Variants in GATA4 observed in about 807,000 individuals in gnomAD.
GATA4 encodes the protein transcription factor GATA-4.
A neutral mutation model predicts 37.9 loss-of-function variants in GATA4; 7 were observed. The observed-to-expected ratio is 0.18, with a 90% confidence interval of 0.11 to 0.35. The LOEUF is 0.35. Among genes scored for constraint, GATA4 ranks in the 10% least tolerant of loss-of-function variants. The pLI is 1.00. For synonymous variants in GATA4, 372 were observed against 292.6 expected, an observed-to-expected ratio of 1.27 and a Z score of -2.77; for missense variants, 647 against 653.0, an observed-to-expected ratio of 0.99 and a Z score of 0.10.
intron 2 of GATA4, among the ~76,000 whole-genome samples, chr8:11,714,351 G>T (rs897915614): frequency 2.0e-5 from 3 of 152,194 alleles, no homozygotes; most frequent in Non-Finnish European, 4.4e-5. Context: ...CATTCAAGGT[G>T]TTCTCAGAGT....
At chr8:11,706,822 G>A (rs1799907939) in intron 1 of GATA4, among the ~76,000 whole-genome samples, 1 of 152,126 alleles carries the variant, frequency 6.6e-6, no homozygotes, top group Non-Finnish European at 1.5e-5. Context: ...CAGTGCTCCA[G>A]TTCCCTCTTG....
intron 2 of GATA4, among the ~76,000 whole-genome samples, chr8:11,738,824 G>A (rs1199876932): frequency 6.6e-6 from 1 of 152,218 alleles, no homozygotes; most frequent in Non-Finnish European, 1.5e-5. Context: ...TATGACTGAG[G>A]CAAGCTGGGA....
chr8:11,731,160 T>C (rs1801188727), intron 2 of GATA4, among the ~76,000 whole-genome samples: 1 of 152,254 alleles, frequency 6.6e-6, no homozygotes, highest in Non-Finnish European at 1.5e-5. Context: ...GACTGAGTCT[T>C]ATGAAGACCC....
At chr8:11,748,362 A>G (rs1397397312) in intron 2 of GATA4, among the ~76,000 whole-genome samples, 1 of 152,210 alleles carries the variant, frequency 6.6e-6, no homozygotes, top group African/African-American at 2.4e-5. Flanking sequence ...ACTGTACTCC[A>G]GCCTGGGTGA....
chr8:11,703,312 C>A (rs1230095080), upstream of GATA4, among the ~76,000 whole-genome samples: 1 of 152,196 alleles, frequency 6.6e-6, no homozygotes, highest in African/African-American at 2.4e-5. Flanking sequence ...ACCTTTAGAC[C>A]TGTCTGAGGG....
chr8:11,750,184 C>T lies in GATA4; in HGVS notation c.860C>T (p.Ala287Val), dbSNP rs116430078. The T allele has an allele frequency of 5.2e-5, 84 of 1,613,622 alleles. No individual in the cohort carries two copies. The highest frequency in any genetic ancestry group is 8.3e-5 in the Admixed American group (5 of 60,028). Reference protein sequence around the residue: ...TTTTTLWRRNAEGEPVCNACG... With the variant: ...TTTTTLWRRNVEGEPVCNACG... ...ACCACCACGCTGTGGCGCCGCAATG[C>T]GGAGGGCGAGCCTGTGTGCAATGCC... Residue 287 changes from alanine (A) to valine (V), a missense_variant, in exon 4 of 7, where the codon GCG becomes GTG. Physicochemically the swap from Ala to Val is moderately conservative, Grantham distance 64. This residue lies in a region of GATA4 where 21 missense variants were observed against 62.6 expected (regional missense o/e 0.34). Transcript: ENST00000532059.
chr8:11,717,060 C>T (rs532860835), intron 2 of GATA4, among the ~76,000 whole-genome samples: 2 of 152,190 alleles, frequency 1.3e-5, no homozygotes, highest in Non-Finnish European at 2.9e-5. Context: ...TGTTAAGGCT[C>T]TGTTGGGAAG....
In GATA4 at chr8:11,758,275, G is replaced by A. The variant is rs751207561; in HGVS notation, c.1150-18G>A. Reference sequence around the variant, plus strand: ...GGAGCGTCTCCATGGGCCTCATCGTGTGCTTTCTGCTTTTCAGACGTTCTC... The same window carrying A: ...GGAGCGTCTCCATGGGCCTCATCGTATGCTTTCTGCTTTTCAGACGTTCTC... On this transcript the variant is annotated intron_variant, in intron 6 of 6. Coordinates refer to ENST00000532059, the MANE Select transcript of GATA4 (RefSeq NM_001308093.3). 3.1e-6 allele frequency: 5 copies of A among 1,613,962 alleles called. No individual in the cohort carries two copies. Among genetic ancestry groups the A allele is most frequent in the Non-Finnish European group, 4.2e-6 (5 of 1,179,994 alleles).
chr8:11,727,172 C>A (rs1459152800), intron 2 of GATA4, among the ~76,000 whole-genome samples: 1 of 152,210 alleles, frequency 6.6e-6, no homozygotes, highest in East Asian at 1.9e-4. Flanking sequence ...GATAGTGACT[C>A]ACTGCCTGAA....
chr8:11,683,217 C>T (rs913229034), intron 1 of GATA4: 1 of 807,158 alleles, frequency 1.2e-6, no homozygotes, highest in Non-Finnish European at 1.5e-6. Flanking sequence ...AGCATTTATC[C>T]GGAGCGGGGG....
At chr8:11,692,816 C>G in intron 1 of GATA4, 1 of 982,424 alleles carries the variant, frequency 1.0e-6, no homozygotes, top group East Asian at 1.1e-4. Flanking sequence ...CAGCGGGCGC[C>G]AGGCCGGGCA....
chr8:11,698,046 G>A lies in GATA4; in HGVS notation c.-728-2462G>A, dbSNP rs544236387. 44 of 982,720 alleles carry A rather than the reference G, an allele frequency of 4.5e-5. No individual in the cohort carries two copies. The African/African-American group carries it at 7.3e-4, about 16-fold the overall frequency. The allele number at this position is 982,720 out of a possible 1,614,324, so 60.9% of individuals were successfully genotyped here. A position where few individuals can be genotyped will look rare whatever the true frequency, so the allele number is the denominator to read the frequency against. Reference sequence around the variant, plus strand: ...TGGACTCTGGGTTGACCTCGTCCCGGTCGGGTTCTCTCTCCTCCCACCCAG... The same window carrying A: ...TGGACTCTGGGTTGACCTCGTCCCGATCGGGTTCTCTCTCCTCCCACCCAG... On this transcript the variant is annotated intron_variant, in intron 1 of 2. Transcript: ENST00000526974.
At chr8:11,727,233 AGTTTCCTCCCCT>A (rs1159456657) in intron 2 of GATA4, among the ~76,000 whole-genome samples, 1 of 152,102 alleles carries the variant, frequency 6.6e-6, no homozygotes, top group African/African-American at 2.4e-5. Context: ...GTTGATATTG[AGTTTCCTCCCCT>A]GTGTAAACAC....
chr8:11,679,260 G>A (rs1354712465), intron 1 of GATA4, among the ~76,000 whole-genome samples: 1 of 151,678 alleles, frequency 6.6e-6, no homozygotes, highest in African/African-American at 2.4e-5. Context: ...GCCCTGCCTC[G>A]GATCTCCACG....
chr8:11,677,257 G>C (rs1424193020), intron 1 of GATA4, among the ~76,000 whole-genome samples: 1 of 152,208 alleles, frequency 6.6e-6, no homozygotes, highest in African/African-American at 2.4e-5. Context: ...TGAGGCCTTT[G>C]CGGACAGGAA....
upstream of GATA4, among the ~76,000 whole-genome samples, chr8:11,689,713 G>C (rs1438195465): frequency 5.9e-5 from 9 of 152,264 alleles, no homozygotes; most frequent in Middle Eastern, 0.014. Flanking sequence ...CTGGGCCAGG[G>C]TCACTGTTTC....
intron 1 of GATA4, chr8:11,681,017 AC>A: frequency 1.1e-6 from 1 of 938,946 alleles, no homozygotes; most frequent in South Asian, 4.9e-5. Flanking sequence ...CGAATCCCAT[AC>A]CCCAGGCTGC....
At chr8:11,716,818 A>T (rs935618548) in intron 2 of GATA4, among the ~76,000 whole-genome samples, 1 of 152,252 alleles carries the variant, frequency 6.6e-6, no homozygotes, top group Admixed American at 6.5e-5. Flanking sequence ...TTTTAAACAA[A>T]TTTTAAGACA....
chr8:11,697,767 C>T (rs986266106), intron 1 of GATA4: 12 of 985,326 alleles, frequency 1.2e-5, no homozygotes, highest in Non-Finnish European at 1.4e-5. Context: ...CCTGCCTGGG[C>T]GTCTTCTCCA....
Sources: allele counts gnomAD v4.1 joint callset (sites outside exome capture counted in the v4.1 genomes callset), GRCh38; gene constraint gnomAD v4.1.1; regional missense constraint gnomAD v4.1.1; transcripts MANE v1.5; gene names NCBI Gene and HGNC (gene_info 2026-07-23, HGNC 2026-07-21).